Variants in SRBD1 observed in about 807,000 individuals in gnomAD.
SRBD1 encodes S1 RNA binding domain 1, also known as S1 RNA-binding domain-containing protein 1.
In SRBD1, 88 loss-of-function variants were observed where a neutral mutation model predicts 115.3. That is an observed-to-expected ratio of 0.76 (90% CI 0.64 to 0.91). The LOEUF (loss-of-function observed/expected upper bound fraction) is 0.91. Ranked by LOEUF, SRBD1 falls within the 40% of genes least tolerant of loss-of-function variation. SRBD1 has a pLI of 0.00. For synonymous variants in SRBD1, 509 were observed against 407.7 expected (o/e 1.25, Z -2.99); for missense variants, 1,385 against 1,177.4 (o/e 1.18, Z -2.58).
intron 10 of SRBD1, 144 bp from the exon 11 acceptor site, chr2:45,553,874 G>C (rs1251988308): frequency 2.2e-6 from 1 of 447,660 alleles, no homozygotes; most frequent in African/African-American, 2.0e-5. Context: ...AGGAAAGGCT[G>C]TGGTATCTGA....
At chr2:45,525,426 C>T (rs993293769) in intron 14 of SRBD1, among the ~76,000 whole-genome samples, 2 of 151,948 alleles carry the variant, frequency 1.3e-5, no homozygotes, top group African/African-American at 4.8e-5. Flanking sequence ...CTATAAAGAA[C>T]TCTTACAACT....
chr2:45,483,750 T>C (rs900347192), intron 15 of SRBD1, among the ~76,000 whole-genome samples: 3 of 152,146 alleles, frequency 2.0e-5, no homozygotes, highest in African/African-American at 7.2e-5. Context: ...TCCCCCATGT[T>C]GTCTTTTTCA....
chr2:45,491,155 AGAATAGACACT>A (rs559504403), intron 14 of SRBD1, among the ~76,000 whole-genome samples: 221 of 152,324 alleles, frequency 1.5e-3, no homozygotes, highest in African/African-American at 5.1e-3. Context: ...TAAGAGTTCA[AGAATAGACACT>A]TGCCAAAAGT....
At chr2:45,556,862 T>C (rs957772658) in intron 10 of SRBD1, among the ~76,000 whole-genome samples, 3 of 152,144 alleles carry the variant, frequency 2.0e-5, no homozygotes, top group Non-Finnish European at 4.4e-5. Context: ...TGAATTGTTG[T>C]GAGTTAACAT....
chr2:45,465,267 A>T (rs1669449654), intron 16 of SRBD1, among the ~76,000 whole-genome samples: 1 of 152,158 alleles, frequency 6.6e-6, no homozygotes, highest in African/African-American at 2.4e-5. Context: ...TTAGGCAACA[A>T]TGACACGGAA....
intron 16 of SRBD1, among the ~76,000 whole-genome samples, chr2:45,439,206 C>G (rs995891763): frequency 2.0e-5 from 3 of 151,770 alleles, no homozygotes; most frequent in African/African-American, 7.3e-5. Context: ...CAGACCTACA[C>G]TACAAAAAAA....
chr2:45,538,338 C>G (rs1250142981), intron 14 of SRBD1, among the ~76,000 whole-genome samples: 1 of 152,174 alleles, frequency 6.6e-6, no homozygotes, highest in Non-Finnish European at 1.5e-5. Context: ...CTACTCCACT[C>G]TGAGGACTAA....
Position 45,467,027 on chromosome 2 carries a change from C to T in SRBD1, c.2049+9966G>A, listed in dbSNP as rs115944532. 2.9e-3 allele frequency among the ~76,000 whole-genome samples: 448 copies of T among 152,320 alleles called. 1 individual carries two copies. Among genetic ancestry groups the T allele is most frequent in the Middle Eastern group, 3.4e-3 (1 of 294 alleles). On this transcript the variant is annotated intron_variant, in intron 16 of 20. Coordinates refer to ENST00000263736, the MANE Select transcript of SRBD1 (RefSeq NM_018079.5). ...TATATGCATAGTCAAGTTTGAGGAG[C>T]ATTAGAGACCAGTGGTTCTCAAACC... is the stretch of plus-strand genomic sequence containing the variant.
At chr2:45,534,675 C>T (rs1671713672) in intron 14 of SRBD1, among the ~76,000 whole-genome samples, 1 of 151,884 alleles carries the variant, frequency 6.6e-6, no homozygotes, top group African/African-American at 2.4e-5. Context: ...ATTTCAAATT[C>T]CACTTGTGAA....
chr2:45,566,279 A>G (rs1672827160), intron 9 of SRBD1, among the ~76,000 whole-genome samples: 1 of 152,244 alleles, frequency 6.6e-6, no homozygotes, highest in African/African-American at 2.4e-5. Flanking sequence ...AGCATTATTC[A>G]TAATATCCAA....
chr2:45,512,291 T>G (rs1016290649), intron 14 of SRBD1, among the ~76,000 whole-genome samples: 3 of 152,224 alleles, frequency 2.0e-5, no homozygotes, highest in African/African-American at 7.2e-5. Flanking sequence ...TTCCTTAGTT[T>G]ACATACATTT....
intron 16 of SRBD1, among the ~76,000 whole-genome samples, chr2:45,445,429 G>C (rs1668791054): frequency 6.6e-6 from 1 of 151,348 alleles, no homozygotes; most frequent in Non-Finnish European, 1.5e-5. Context: ...AGTCACATGG[G>C]GGCACAGATC....
At chr2:45,497,127 C>G (rs1298553001) in intron 14 of SRBD1, among the ~76,000 whole-genome samples, 7 of 152,124 alleles carry the variant, frequency 4.6e-5, no homozygotes, top group African/African-American at 1.7e-4. Context: ...GACATAATTC[C>G]TTTCAAGGAT....
chr2:45,418,599 T>A, intron 17 of SRBD1, 58 bp from the exon 18 acceptor site: 5 of 1,381,370 alleles, frequency 3.6e-6, no homozygotes, highest in South Asian at 1.3e-5. Context: ...GACAATGATA[T>A]AAAACATTTG....
chr2:45,544,726 T>C (rs1234247174), intron 14 of SRBD1, among the ~76,000 whole-genome samples: 2 of 152,206 alleles, frequency 1.3e-5, no homozygotes, highest in Non-Finnish European at 2.9e-5. Flanking sequence ...AAGAAAATAC[T>C]GCATCTAATT....
rs1452693877 is a variant in SRBD1 at position 45,574,713 on chromosome 2, C to T, written c.1083G>A (p.Thr361=). 5 of 1,611,098 alleles carry T rather than the reference C, an allele frequency of 3.1e-6. No individual in the cohort carries two copies. The highest frequency in any genetic ancestry group is 1.3e-5 in the African/African-American group (1 of 74,736). The change falls in exon 8 of 21, where the codon ACG becomes ACA. Residue 361 remains threonine (T), a synonymous_variant. Transcript: ENST00000263736. ...GCACTCCTATTTCAATATCCTGAAG[C>T]GTTGAAAGCCCTTTAGGAGAAGGGT... is the stretch of plus-strand genomic sequence containing the variant. The part of the protein sequence containing the change: ...YIRPDVKGLS[T]LQDIEIGVQH...
chr2:45,537,157 AG>A, intron 14 of SRBD1, among the ~76,000 whole-genome samples: 1 of 152,222 alleles, frequency 6.6e-6, no homozygotes. Flanking sequence ...ATGAGGATAA[AG>A]AGAACATGAA....
intron 12 of SRBD1, among the ~76,000 whole-genome samples, chr2:45,547,884 T>C (rs572847769): frequency 8.5e-5 from 13 of 152,326 alleles, no homozygotes; most frequent in African/African-American, 2.6e-4. Context: ...CACTAACATC[T>C]AACATTAATA....
chr2:45,409,445 C>T lies in SRBD1; in HGVS notation c.2513+3669G>A, dbSNP rs192114478. ...CTGAACCATGGCCCAAAGTTGAGAA[C>T]AAGACAAGGATATCTACTCTCACCA... On this transcript the variant is annotated intron_variant, in intron 19 of 20. Transcript: ENST00000263736. Among the ~76,000 whole-genome samples, 10 of 139,552 alleles carry T rather than the reference C, an allele frequency of 7.2e-5. No individual in the cohort carries two copies. In the East Asian group the frequency reaches 1.9e-3, roughly 26 times the overall value. The allele number at this position is 139,552 out of a possible 152,430, so 91.6% of individuals were successfully genotyped here.
Sources: allele counts gnomAD v4.1 joint callset (sites outside exome capture counted in the v4.1 genomes callset), GRCh38; gene constraint gnomAD v4.1.1; transcripts MANE v1.5; gene names NCBI Gene and HGNC (gene_info 2026-07-23, HGNC 2026-07-21).